MATN2: variants seen among roughly 807,000 people sequenced by gnomAD.
The protein encoded by MATN2 is matrilin-2.
A neutral mutation model predicts 103.2 loss-of-function variants in MATN2; 69 were observed. The ratio of observed to expected loss-of-function variants is 0.67; its 90% CI spans 0.55 to 0.82. The LOEUF (loss-of-function observed/expected upper bound fraction) is 0.82. Ranked by LOEUF, MATN2 falls within the 40% of genes least tolerant of loss-of-function variation. The pLI is 0.00. For missense variants in MATN2, 1,023 were observed against 1,211.5 expected (o/e 0.84, Z 2.31); for synonymous variants, 429 against 450.2 (o/e 0.95, Z 0.60).
intron 3 of MATN2, among the ~76,000 whole-genome samples, chr8:97,937,938 A>G (rs1810431381): frequency 6.6e-6 from 1 of 152,150 alleles, no homozygotes; most frequent in Admixed American, 6.5e-5. Flanking sequence ...TCATTTGCAC[A>G]AGGTCATAGG....
chr8:97,940,986 C>T (rs1051790857), intron 3 of MATN2, among the ~76,000 whole-genome samples: 2 of 151,588 alleles, frequency 1.3e-5, no homozygotes, highest in African/African-American at 2.4e-5. Context: ...TAGTGAAACC[C>T]TGTCTCTACA....
intron 1 of MATN2, among the ~76,000 whole-genome samples, chr8:97,871,213 G>A (rs908721387): frequency 6.6e-6 from 1 of 152,224 alleles, no homozygotes; most frequent in Non-Finnish European, 1.5e-5. Context: ...TTTGCTCTTT[G>A]AAATAAGAGA....
chr8:97,980,102 T>A (rs1171683841), intron 6 of MATN2, among the ~76,000 whole-genome samples: 1 of 152,088 alleles, frequency 6.6e-6, no homozygotes, highest in Non-Finnish European at 1.5e-5. Flanking sequence ...TGGCTGAGTC[T>A]TGGAGGTGGA....
intron 1 of MATN2, among the ~76,000 whole-genome samples, chr8:97,870,957 T>C (rs1319580671): frequency 2.0e-5 from 3 of 152,330 alleles, no homozygotes; most frequent in African/African-American, 7.2e-5. Flanking sequence ...TAGAATTCAA[T>C]CTCAGGCCCC....
At chr8:98,013,405 C>T (rs1204451353) in intron 10 of MATN2, among the ~76,000 whole-genome samples, 2 of 152,218 alleles carry the variant, frequency 1.3e-5, no homozygotes, top group Non-Finnish European at 2.9e-5. Context: ...TTATTTAAAA[C>T]ATCTGCACAA....
intron 1 of MATN2, chr8:97,887,864 T>A (rs1037560522): frequency 2.3e-6 from 1 of 439,654 alleles, no homozygotes. Flanking sequence ...GATGAAAAAT[T>A]CCAACTATGC....
At chr8:97,980,355 G>A (rs1430783057) in intron 6 of MATN2, among the ~76,000 whole-genome samples, 1 of 152,164 alleles carries the variant, frequency 6.6e-6, no homozygotes, top group Non-Finnish European at 1.5e-5. Context: ...CTGTCGTCGT[G>A]GTTGGGGAGT....
At chr8:97,992,428 A>G (rs1812421329) in intron 6 of MATN2, among the ~76,000 whole-genome samples, 1 of 152,174 alleles carries the variant, frequency 6.6e-6, no homozygotes, top group Non-Finnish European at 1.5e-5. Context: ...TTAAAGCTAC[A>G]TTATGAAGCA....
chr8:97,920,975 C>T (rs1324149558), intron 2 of MATN2, among the ~76,000 whole-genome samples: 1 of 152,184 alleles, frequency 6.6e-6, no homozygotes, highest in African/African-American at 2.4e-5. Flanking sequence ...ACTTGCCATC[C>T]TGGCTCCATA....
intron 5 of MATN2, among the ~76,000 whole-genome samples, chr8:97,969,430 C>T (rs1811586363): frequency 6.6e-6 from 1 of 152,200 alleles, no homozygotes; most frequent in African/African-American, 2.4e-5. Context: ...TAGTGAGTGA[C>T]ATTCCCAATA....
intron 5 of MATN2, among the ~76,000 whole-genome samples, chr8:97,970,632 T>C (rs912099346): frequency 6.6e-6 from 1 of 152,094 alleles, no homozygotes; most frequent in Non-Finnish European, 1.5e-5. Flanking sequence ...CAGTCTCAAA[T>C]CCATCTCCCT....
chr8:97,953,133 GGCTGGT>G, intron 4 of MATN2, among the ~76,000 whole-genome samples: 1 of 151,196 alleles, frequency 6.6e-6, no homozygotes, highest in South Asian at 2.1e-4. Flanking sequence ...CTGTTGCCCA[GGCTGGT>G]CTTGATCCTC....
At chr8:97,918,104 T>A (rs774561757) in intron 2 of MATN2, among the ~76,000 whole-genome samples, 4 of 152,056 alleles carry the variant, frequency 2.6e-5, no homozygotes, top group Admixed American at 2.6e-4. Context: ...AAGGAAAAAG[T>A]TTTTAGAAAG....
chr8:97,932,613 A>C (rs1586060659), intron 3 of MATN2, among the ~76,000 whole-genome samples: 1 of 150,250 alleles, frequency 6.7e-6, no homozygotes. Context: ...TGCTGCCCCC[A>C]CTCTTCTCAG....
Position 98,035,721 on chromosome 8 carries a change from A to G in MATN2, c.*9A>G. On this transcript the variant is annotated 3_prime_UTR_variant, in exon 19 of 19. Transcript: ENST00000254898. ...GCCTGAGATACAGATGAAGATTAGAAATCGCGACACATTTGTAGTCATTGT... is the reference window on the plus strand; with the variant it reads ...GCCTGAGATACAGATGAAGATTAGAGATCGCGACACATTTGTAGTCATTGT... The G allele has an allele frequency of 6.3e-7, 1 of 1,590,196 alleles. No homozygotes were observed. Among genetic ancestry groups the G allele is most frequent in the Non-Finnish European group, 8.6e-7 (1 of 1,163,068 alleles).
rs576274575 is a variant in MATN2 at position 98,034,734 on chromosome 8, T to C, written c.2816-923T>C. Among the ~76,000 whole-genome samples, 195 of 152,286 alleles carry C rather than the reference T, an allele frequency of 1.3e-3. 1 individual carries two copies. The highest frequency in any genetic ancestry group is 4.5e-3 in the African/African-American group (186 of 41,558). ...AGAATTCCTCAAAACCGTGGCCTTA[T>C]GTAGCATCATGGTGAAAACTCCGTA... On this transcript the variant is annotated intron_variant, in intron 18 of 18. Transcript: ENST00000254898.
intron 13 of MATN2, among the ~76,000 whole-genome samples, chr8:98,027,034 T>G (rs984139974): frequency 3.3e-5 from 5 of 152,134 alleles, no homozygotes; most frequent in African/African-American, 1.2e-4. Context: ...ATGCCAGCAC[T>G]AGGGTGATGT....
At chr8:97,941,032 C>CT (rs1810536080) in intron 3 of MATN2, among the ~76,000 whole-genome samples, 1 of 151,764 alleles carries the variant, frequency 6.6e-6, no homozygotes, top group Non-Finnish European at 1.5e-5. Flanking sequence ...CATGGTGGCA[C>CT]ACGCCCATAG....
At chr8:97,937,800 A>G (rs903443522) in intron 3 of MATN2, among the ~76,000 whole-genome samples, 13 of 151,842 alleles carry the variant, frequency 8.6e-5, no homozygotes, top group Non-Finnish European at 1.9e-4. Flanking sequence ...GCTGGTTTCA[A>G]ACTCCTGGAC....
Sources: allele counts gnomAD v4.1 joint callset (sites outside exome capture counted in the v4.1 genomes callset), GRCh38; gene constraint gnomAD v4.1.1; transcripts MANE v1.5; gene names NCBI Gene and HGNC (gene_info 2026-07-23, HGNC 2026-07-21).